ANKRD18A: variants seen among roughly 807,000 people sequenced by gnomAD.
ANKRD18A encodes the protein ankyrin repeat domain 18A, also known as ankyrin repeat domain-containing protein 18A.
In ANKRD18A, 72 loss-of-function variants were observed where a neutral mutation model predicts 110.6. The ratio of observed to expected loss-of-function variants is 0.65; its 90% CI spans 0.54 to 0.79. ANKRD18A has a LOEUF of 0.79. ANKRD18A is among the 30% of genes least tolerant of loss of function. ANKRD18A has a pLI of 0.00. For synonymous variants in ANKRD18A, 305 were observed against 410.3 expected (o/e 0.74, Z 3.10); for missense variants, 934 against 1,163.3 (o/e 0.80, Z 2.87).
intron 1 of ANKRD18A, among the ~76,000 whole-genome samples, chr9:38,619,301 G>A (rs760951258): frequency 2.9e-4 from 44 of 152,018 alleles, no homozygotes; most frequent in Non-Finnish European, 5.7e-4. Flanking sequence ...CACACAGCAG[G>A]CATTTTATTA....
intron 8 of ANKRD18A, 24 bp from the exon 9 acceptor site, chr9:38,596,427 T>C: frequency 7.1e-7 from 1 of 1,406,240 alleles, no homozygotes. Context: ...AACAAATTTT[T>C]AGTTAGCACT....
intron 12 of ANKRD18A, among the ~76,000 whole-genome samples, chr9:38,583,989 T>G (rs1824268677): frequency 1.3e-5 from 2 of 152,162 alleles, no homozygotes; most frequent in Admixed American, 1.3e-4. Context: ...GAGGCCCACA[T>G]GCACTGGGGG....
Position 38,610,357 on chromosome 9 carries a change from A to G in ANKRD18A, c.656T>C (p.Leu219Pro). The change falls in exon 5 of 16, where the codon CTG (leucine) becomes CCG (proline). Residue 219 changes from leucine (L) to proline (P), a missense_variant. Physicochemically the swap from Leu to Pro is moderately conservative, Grantham distance 98. Transcript: ENST00000399703. Reference protein sequence around the residue: ...QHNLSSIVTLLLQQNIRISSQ... With the variant: ...QHNLSSIVTLPLQQNIRISSQ... Reference sequence around the variant, plus strand: ...AGAGATACGTATATTTTGTTGAAGCAGGAGGGTGACGATACTTGACAAGTT... The same window carrying G: ...AGAGATACGTATATTTTGTTGAAGCGGGAGGGTGACGATACTTGACAAGTT... The G allele has an allele frequency of 6.4e-7, 1 of 1,551,250 alleles. No homozygotes were observed. The highest frequency in any genetic ancestry group is 8.7e-7 in the Non-Finnish European group (1 of 1,146,828).
Position 38,610,294 on chromosome 9 carries a change from G to T in ANKRD18A, c.719C>A (p.Ala240Asp). The stretch of plus-strand genomic sequence containing the variant: ...ATACCTTCTCAAATCAGAACAAAGA[G>T]CATAATCCTCGGCAGTTTGGCCAAA... ...DMFGQTAEDY[A>D]LCSDLRSIRQ... The change falls in exon 5 of 16, where the codon GCT (alanine) becomes GAT (aspartate). Residue 240 changes from alanine (A) to aspartate (D), a missense_variant. Physicochemically the swap from Ala to Asp is moderately radical, Grantham distance 126. Around this residue, in one of 4 missense-constraint regions of ANKRD18A, gnomAD observed 630 missense variants for 797.5 expected, o/e 0.79. Transcript: ENST00000399703. The T allele has an allele frequency of 1.3e-6, 2 of 1,548,098 alleles. No homozygotes were observed. The highest frequency in any genetic ancestry group is 8.7e-7 in the Non-Finnish European group (1 of 1,145,868).
chr9:38,610,363 G>C lies in ANKRD18A; in HGVS notation c.650C>G (p.Thr217Ser). ...AVQHNLSSIV[T>S]LLLQQNIRIS... ...ACGTATATTTTGTTGAAGCAGGAGGGTGACGATACTTGACAAGTTATGCTG... is the reference window on the plus strand; with the variant it reads ...ACGTATATTTTGTTGAAGCAGGAGGCTGACGATACTTGACAAGTTATGCTG... Residue 217 changes from threonine to serine, a missense_variant, in exon 5 of 16, where the codon ACC (threonine) becomes AGC (serine). This residue lies in a region of ANKRD18A where 630 missense variants were observed against 797.5 expected (regional missense o/e 0.79). Coordinates refer to ENST00000399703, the MANE Select transcript of ANKRD18A (RefSeq NM_147195.4). 2 of 1,550,746 alleles carry C rather than the reference G, an allele frequency of 1.3e-6. No homozygotes were observed. Among genetic ancestry groups the C allele is most frequent in the Non-Finnish European group, 1.7e-6 (2 of 1,146,720 alleles).
chr9:38,618,713 A>G (rs1387344392), intron 1 of ANKRD18A, among the ~76,000 whole-genome samples: 1 of 152,138 alleles, frequency 6.6e-6, no homozygotes, highest in African/African-American at 2.4e-5. Context: ...AACTTATCTT[A>G]TGAGAAACAC....
At chr9:38,594,548 T>A (rs1267862526) in intron 9 of ANKRD18A, among the ~76,000 whole-genome samples, 2 of 152,194 alleles carry the variant, frequency 1.3e-5, no homozygotes, top group Non-Finnish European at 2.9e-5. Flanking sequence ...AAATATTTTT[T>A]TGCTAAAATT....
In ANKRD18A at chr9:38,610,315, C is replaced by A. The variant is rs1430677717; in HGVS notation, c.698G>T (p.Gly233Val). Residue 233 changes from glycine (G) to valine (V), a missense_variant, in exon 5 of 16, where the codon GGC (glycine) becomes GTC (valine). Coordinates refer to ENST00000399703, the MANE Select transcript of ANKRD18A (RefSeq NM_147195.4). ...AAGAGCATAATCCTCGGCAGTTTGGCCAAACATGTCTTGAGAAGAGATACG... is the reference window on the plus strand; with the variant it reads ...AAGAGCATAATCCTCGGCAGTTTGGACAAACATGTCTTGAGAAGAGATACG... The part of the protein sequence containing the change: ...NIRISSQDMF[G>V]QTAEDYALCS... 1.9e-6 allele frequency: 3 copies of A among 1,550,590 alleles called. No individual in the cohort carries two copies. Among genetic ancestry groups the A allele is most frequent in the Non-Finnish European group, 2.6e-6 (3 of 1,146,646 alleles).
intron 7 of ANKRD18A, among the ~76,000 whole-genome samples, chr9:38,601,637 G>GT (rs1314992219): frequency 6.6e-6 from 1 of 152,076 alleles, no homozygotes; most frequent in Non-Finnish European, 1.5e-5. Context: ...TGTACACCCT[G>GT]TTTTTTACAT....
chr9:38,569,474 CAG>C (rs112902043), downstream of ANKRD18A: 249,605 of 984,216 alleles, frequency 0.25, 32,308 homozygotes, highest in East Asian at 0.43. Flanking sequence ...GAGCCACTCA[CAG>C]AGACTGCTGC....
At chr9:38,617,805 A>G (rs527795974) in intron 1 of ANKRD18A, among the ~76,000 whole-genome samples, 1 of 152,342 alleles carries the variant, frequency 6.6e-6, no homozygotes, top group Admixed American at 6.5e-5. Context: ...TGTTTGCTAC[A>G]TAACATATTC....
intron 5 of ANKRD18A, among the ~76,000 whole-genome samples, chr9:38,609,940 CAAA>C (rs1312973805): frequency 1.4e-4 from 13 of 91,092 alleles, no homozygotes; most frequent in African/African-American, 1.7e-4. Context: ...GACCTTGTCT[CAAA>C]AAAAAAAAAA....
chr9:38,578,268 G>C (rs1479461820), intron 12 of ANKRD18A, 120 bp from the exon 13 acceptor site: 1 of 979,502 alleles, frequency 1.0e-6, no homozygotes, highest in Admixed American at 3.5e-5. Context: ...TAATGTAGTA[G>C]ATTCTTCAAA....
At chr9:38,608,360 G>C (rs1162014198) in intron 5 of ANKRD18A, among the ~76,000 whole-genome samples, 1 of 151,868 alleles carries the variant, frequency 6.6e-6, no homozygotes, top group African/African-American at 2.4e-5. Context: ...AGCCCTGCTT[G>C]TATTGTTTTT....
downstream of ANKRD18A, chr9:38,566,818 G>C (rs1360072185): frequency 6.6e-6 from 1 of 152,174 alleles, no homozygotes; most frequent in Non-Finnish European, 1.5e-5. Flanking sequence ...GTGACATAGA[G>C]TTTTCAATGA....
chr9:38,593,266 T>C lies in ANKRD18A; in HGVS notation c.2004+494A>G, dbSNP rs148814843. ...AATGCCTAACTTTTCAAGTAGTTTG[T>C]AAATTAACCTAAAACATGTGCATTT... On this transcript the variant is annotated intron_variant, in intron 10 of 15. Transcript: ENST00000399703. 8.1e-3 allele frequency among the ~76,000 whole-genome samples: 1,240 copies of C among 152,332 alleles called. 20 individuals carry two copies. Among genetic ancestry groups the C allele is most frequent in the African/African-American group, 0.028 (1,168 of 41,574 alleles).
At chr9:38,613,454 G>C (rs181931089) in intron 3 of ANKRD18A, among the ~76,000 whole-genome samples, 89 of 151,722 alleles carry the variant, frequency 5.9e-4, no homozygotes, top group South Asian at 1.3e-3. Context: ...CTTTTTCTCT[G>C]TCTAGTATCG....
chr9:38,617,459 A>G (rs1388404087), intron 1 of ANKRD18A, among the ~76,000 whole-genome samples: 1 of 152,070 alleles, frequency 6.6e-6, no homozygotes, highest in Non-Finnish European at 1.5e-5. Context: ...AAACAAACAA[A>G]CAAACAAAAA....
intron 3 of ANKRD18A, among the ~76,000 whole-genome samples, chr9:38,614,791 T>C (rs966294712): frequency 3.9e-5 from 6 of 152,204 alleles, no homozygotes; most frequent in Admixed American, 3.9e-4. Flanking sequence ...TCTCCCACCT[T>C]CTCATCAAGA....
Sources: gnomAD v4.1 joint callset for allele counts (sites outside exome capture counted in the v4.1 genomes callset) on GRCh38, gnomAD v4.1.1 for gene constraint, gnomAD v4.1.1 regional missense constraint, MANE v1.5 for transcripts, NCBI Gene and HGNC (gene_info 2026-07-23, HGNC 2026-07-21) for gene names.